The following TSNARE1 variants were observed in gnomAD, a reference collection of about 807,000 sequenced individuals.
TSNARE1 encodes the protein t-SNARE domain-containing protein 1.
In TSNARE1, 49 loss-of-function variants were observed where a neutral mutation model predicts 62.0. That is an observed-to-expected ratio of 0.79 (90% CI 0.63 to 1.00). The LOEUF is 1.00. Ranked by LOEUF, TSNARE1 falls within the 50% of genes least tolerant of loss-of-function variation. TSNARE1 has a pLI of 0.00. For synonymous variants in TSNARE1, 328 were observed against 294.4 expected, an observed-to-expected ratio of 1.11 and a Z score of -1.17; for missense variants, 755 against 700.1, an observed-to-expected ratio of 1.08 and a Z score of -0.88.
chr8:142,233,934 C>T (rs1038392604), intron 12 of TSNARE1, among the ~76,000 whole-genome samples: 11 of 152,220 alleles, frequency 7.2e-5, no homozygotes, highest in African/African-American at 2.4e-4. Context: ...GACCACTGCA[C>T]CCTCCCAGCT....
chr8:142,341,078 C>CA (rs1306614623), intron 4 of TSNARE1, among the ~76,000 whole-genome samples: 1 of 152,226 alleles, frequency 6.6e-6, no homozygotes, highest in Admixed American at 6.5e-5. Context: ...GAGGTGCTCA[C>CA]AAAACACTCT....
chr8:142,341,536 C>T (rs1374718441), intron 4 of TSNARE1, among the ~76,000 whole-genome samples: 1 of 152,186 alleles, frequency 6.6e-6, no homozygotes, highest in East Asian at 1.9e-4. Flanking sequence ...GAGTGCGCAC[C>T]TGGGGCGCAT....
chr8:142,304,528 C>G (rs898904784), intron 9 of TSNARE1, among the ~76,000 whole-genome samples: 3 of 152,242 alleles, frequency 2.0e-5, no homozygotes, highest in African/African-American at 7.2e-5. Context: ...GTGCACCTCA[C>G]TCCACCAGGA....
At chr8:142,396,628 G>A (rs1837914289) in intron 1 of TSNARE1, among the ~76,000 whole-genome samples, 1 of 152,218 alleles carries the variant, frequency 6.6e-6, no homozygotes, top group Non-Finnish European at 1.5e-5. Context: ...AGCAGGGCAG[G>A]ATCGCCAGGT....
intron 11 of TSNARE1, among the ~76,000 whole-genome samples, chr8:142,282,732 ACTGT>A (rs955737986): frequency 6.8e-6 from 1 of 147,874 alleles, no homozygotes; most frequent in Non-Finnish European, 1.5e-5. Context: ...AGGGGAGGCC[ACTGT>A]CTGTCTAAGG....
intron 9 of TSNARE1, among the ~76,000 whole-genome samples, chr8:142,306,503 G>C (rs1263020757): frequency 6.6e-6 from 1 of 152,154 alleles, no homozygotes; most frequent in Non-Finnish European, 1.5e-5. Flanking sequence ...ACTGACCCTC[G>C]ACCCAGCTGA....
intron 12 of TSNARE1, among the ~76,000 whole-genome samples, chr8:142,263,606 G>A (rs1033675697): frequency 4.6e-5 from 7 of 152,150 alleles, no homozygotes; most frequent in Non-Finnish European, 8.8e-5. Context: ...GGTAGAATAC[G>A]CTTTAAAAAT....
At chr8:142,346,093 G>A (rs1042136480) in intron 2 of TSNARE1, among the ~76,000 whole-genome samples, 1 of 152,188 alleles carries the variant, frequency 6.6e-6, no homozygotes, top group African/African-American at 2.4e-5. Context: ...CAGAACTTTA[G>A]GTGTTCCGGA....
intron 12 of TSNARE1, among the ~76,000 whole-genome samples, chr8:142,256,294 A>ACTGT (rs1818549727): frequency 7.4e-6 from 1 of 134,428 alleles, no homozygotes; most frequent in Non-Finnish European, 1.6e-5. Flanking sequence ...CATCATCACC[A>ACTGT]CACCCACCAC....
intron 9 of TSNARE1, among the ~76,000 whole-genome samples, chr8:142,310,923 C>A (rs1400806967): frequency 6.6e-6 from 1 of 152,192 alleles, no homozygotes; most frequent in Non-Finnish European, 1.5e-5. Flanking sequence ...GCTCTCAGCT[C>A]ACTGCAACCT....
intron 2 of TSNARE1, among the ~76,000 whole-genome samples, chr8:142,346,702 G>A (rs1005516279): frequency 1.3e-5 from 2 of 152,244 alleles, no homozygotes; most frequent in Non-Finnish European, 2.9e-5. Flanking sequence ...GCTTGGAAGC[G>A]CTTTCCAGCC....
At chr8:142,232,731 A>C (rs1442819993) in intron 12 of TSNARE1, among the ~76,000 whole-genome samples, 1 of 152,216 alleles carries the variant, frequency 6.6e-6, no homozygotes, top group African/African-American at 2.4e-5. Context: ...CTTCAAGGGA[A>C]GAGGCGGGCG....
intron 13 of TSNARE1, among the ~76,000 whole-genome samples, chr8:142,223,047 C>T (rs62650715): frequency 5.5e-5 from 7 of 128,212 alleles, no homozygotes; most frequent in South Asian, 2.6e-4. Context: ...CACTCACTCA[C>T]TCATTCACTC....
chr8:142,256,373 C>CCATCACCACCACCACCATCACCAT (rs1240223758), intron 12 of TSNARE1, among the ~76,000 whole-genome samples: 8 of 312 alleles, frequency 0.026, no homozygotes, highest in Admixed American at 0.042. Flanking sequence ...ACCATCATCA[C>CCATCACCACCACCACCATCACCAT]CACCATCATC....
At chr8:142,281,774 C>A (rs1821519523) in intron 11 of TSNARE1, among the ~76,000 whole-genome samples, 2 of 152,008 alleles carry the variant, frequency 1.3e-5, no homozygotes, top group South Asian at 4.1e-4. Flanking sequence ...TGGGCGGGGT[C>A]ACTGGGCACT....
intron 13 of TSNARE1, among the ~76,000 whole-genome samples, chr8:142,212,599 A>G (rs1815600436): frequency 6.6e-6 from 1 of 151,786 alleles, no homozygotes; most frequent in African/African-American, 2.4e-5. Flanking sequence ...TCCTGGCCGC[A>G]TCCATGTGCC....
intron 11 of TSNARE1, chr8:142,276,670 T>C (rs1302255903): frequency 1.0e-6 from 1 of 985,272 alleles, no homozygotes; most frequent in Admixed American, 6.1e-5. Context: ...ACCCCACCCT[T>C]GGACTCAGCC....
At chr8:142,397,520 G>A (rs1371884966) in intron 1 of TSNARE1, among the ~76,000 whole-genome samples, 1 of 152,204 alleles carries the variant, frequency 6.6e-6, no homozygotes, top group Admixed American at 6.5e-5. Flanking sequence ...GCAATGCTGT[G>A]TCCCTACCTG....
At chr8:142,213,963 C>T (rs1391718449) in intron 13 of TSNARE1, among the ~76,000 whole-genome samples, 1 of 152,176 alleles carries the variant, frequency 6.6e-6, no homozygotes. Context: ...AGAGCCAGCC[C>T]CCCCGGGAAG....
Sources: gnomAD v4.1 joint callset for allele counts (sites outside exome capture counted in the v4.1 genomes callset) on GRCh38, gnomAD v4.1.1 for gene constraint, MANE v1.5 for transcripts, NCBI Gene and HGNC (gene_info 2026-07-23, HGNC 2026-07-21) for gene names.